ECT2: variants seen among roughly 807,000 people sequenced by gnomAD.
The protein encoded by ECT2 is epithelial cell transforming 2.
A neutral mutation model predicts 116.9 loss-of-function variants in ECT2; 61 were observed. The ratio of observed to expected loss-of-function variants is 0.52; its 90% CI spans 0.42 to 0.65. The LOEUF is 0.65. ECT2 is among the 30% of genes least tolerant of loss of function. ECT2 has a pLI of 0.00. For synonymous variants in ECT2, 358 were observed against 346.4 expected, an observed-to-expected ratio of 1.03 and a Z score of -0.37; for missense variants, 937 against 1,078.7, an observed-to-expected ratio of 0.87 and a Z score of 1.84.
the ECT2 span, among the ~76,000 whole-genome samples, chr3:172,828,224 A>C: frequency 6.6e-6 from 1 of 152,212 alleles, no homozygotes; most frequent in Non-Finnish European, 1.5e-5. Flanking sequence ...CAATAATTAA[A>C]GAAGACCTTA....
At chr3:172,775,895 A>G (rs764715326) in intron 14 of ECT2, among the ~76,000 whole-genome samples, 105 of 152,022 alleles carry the variant, frequency 6.9e-4, no homozygotes, top group Non-Finnish European at 1.4e-3. Flanking sequence ...CGACCTCCCA[A>G]GGTGCTGGGA....
Position 172,762,983 on chromosome 3 carries a change from AACCCCT to A in ECT2, c.1068+12_1068+17del, listed in dbSNP as rs1187648851. 1.2e-6 allele frequency: 2 copies of A among 1,613,080 alleles called. No individual in the cohort carries two copies. The highest frequency in any genetic ancestry group is 3.3e-5 in the Admixed American group (2 of 59,864). On this transcript the variant is annotated intron_variant, in intron 11 of 24. Transcript: ENST00000392692. ...TATTTATATGAAAAGGTATGCTTTT[AACCCCT>A]TACTTATTTGTTCTGTGAGCTTGAT...
intron 1 of ECT2, among the ~76,000 whole-genome samples, chr3:172,751,631 T>C (rs898831144): frequency 6.6e-6 from 1 of 152,164 alleles, no homozygotes; most frequent in Non-Finnish European, 1.5e-5. Context: ...TTTTAGTCCT[T>C]CACCTTGGAA....
At chr3:172,755,675 G>A (rs763440347) in intron 4 of ECT2, 100 bp downstream of exon 4, 1 of 532,268 alleles carries the variant, frequency 1.9e-6, no homozygotes, top group Non-Finnish European at 3.1e-6. Flanking sequence ...TGTATTGTGT[G>A]CAATCTGAAG....
chr3:172,753,747 T>G (rs1016102549), intron 1 of ECT2, among the ~76,000 whole-genome samples: 1 of 152,166 alleles, frequency 6.6e-6, no homozygotes, highest in Non-Finnish European at 1.5e-5. Context: ...GAGAAATTCA[T>G]TGTTGCTGTT....
downstream of ECT2, among the ~76,000 whole-genome samples, chr3:172,824,847 A>G (rs947625819): frequency 6.6e-6 from 1 of 151,726 alleles, no homozygotes; most frequent in African/African-American, 2.4e-5. Context: ...AGTTTTATGA[A>G]TAGGTCATTT....
chr3:172,768,901 C>A, intron 12 of ECT2, 106 bp from the exon 13 acceptor site: 1 of 1,269,170 alleles, frequency 7.9e-7, no homozygotes, highest in Non-Finnish European at 1.1e-6. Context: ...TATGGTGGTA[C>A]ATTTATAAGA....
intron 14 of ECT2, among the ~76,000 whole-genome samples, chr3:172,779,895 CAA>C (rs60162451): frequency 2.8e-4 from 30 of 106,906 alleles, no homozygotes; most frequent in Admixed American, 4.1e-4. Flanking sequence ...GACCCTGTCT[CAA>C]AAAAAAAAAA....
At chr3:172,767,473 A>G (rs1251031711) in intron 12 of ECT2, among the ~76,000 whole-genome samples, 1 of 152,114 alleles carries the variant, frequency 6.6e-6, no homozygotes, top group Non-Finnish European at 1.5e-5. Context: ...CATAGTACAT[A>G]ATTGTTTTCA....
downstream of ECT2, among the ~76,000 whole-genome samples, chr3:172,823,929 TTC>T (rs1491485680): frequency 2.7e-5 from 3 of 110,306 alleles, no homozygotes; most frequent in East Asian, 2.7e-4. Context: ...TTCTAAGTTT[TTC>T]TCTTTTTTTT....
rs780610864 is a variant in ECT2, at chr3:172,755,350, A to G, written c.186A>G (p.Gln62=). 1.9e-6 allele frequency: 3 copies of G among 1,604,910 alleles called. No homozygotes were observed. The highest frequency in any genetic ancestry group is 3.5e-5 in the Admixed American group (2 of 57,358). ...TATTGGTTCAAGAAGCTGGAAAACAAGAAGAACTTATAAAAGCCTTAAAGG... is the reference window on the plus strand; with the variant it reads ...TATTGGTTCAAGAAGCTGGAAAACAGGAAGAACTTATAAAAGCCTTAAAGG... ...RVILVQEAGK[Q]EELIKALKTI... is the part of the protein sequence containing the mutation. Residue 62 remains glutamine (Q), a synonymous_variant, in exon 3 of 25, where the codon CAA becomes CAG. Transcript: ENST00000392692.
chr3:172,805,836 A>G lies in ECT2; in HGVS notation c.2212A>G (p.Ile738Val). The change falls in exon 21 of 25, where the codon ATT (isoleucine) becomes GTT (valine). Residue 738 changes from isoleucine (I) to valine (V), a missense_variant. By Grantham distance (29) the Ile-to-Val change is conservative. Transcript: ENST00000392692. ...KHIHLMPLSQ[I>V]KKVLDIRETE... ...TATTCACCTAATGCCTCTTTCTCAG[A>G]TTAAGAAGGTATTGGACATAAGAGA... 1.2e-6 allele frequency: 2 copies of G among 1,613,730 alleles called. No individual in the cohort carries two copies. Among genetic ancestry groups the G allele is most frequent in the Non-Finnish European group, 8.5e-7 (1 of 1,179,776 alleles).
chr3:172,822,429 A>G (rs1171295956), downstream of ECT2, among the ~76,000 whole-genome samples: 1 of 152,018 alleles, frequency 6.6e-6, no homozygotes, highest in East Asian at 1.9e-4. Flanking sequence ...CTCAGATATG[A>G]GAAATTAAGA....
In ECT2 at chr3:172,783,879, A is replaced by G. The variant is rs769734310; in HGVS notation, c.1698A>G (p.Lys566=). The G allele has an allele frequency of 6.2e-7, 1 of 1,602,980 alleles. No homozygotes were observed. Among genetic ancestry groups the G allele is most frequent in the Admixed American group, 1.7e-5 (1 of 58,608 alleles). ...AGGAAACAATTATTAAATGTGAAAA[A>G]CAGAAACCAAGATTTCATGCTTTTC... ...MSKETIIKCE[K]QKPRFHAFLK... Residue 566 remains lysine (K), a synonymous_variant, in exon 16 of 25, where the codon AAA becomes AAG. Transcript: ENST00000392692.
At chr3:172,758,117 C>A (rs1210783923) in intron 5 of ECT2, among the ~76,000 whole-genome samples, 1 of 152,142 alleles carries the variant, frequency 6.6e-6, no homozygotes, top group Non-Finnish European at 1.5e-5. Flanking sequence ...GCCTCTGCCT[C>A]CCAAAGTGTT....
intron 17 of ECT2, 126 bp downstream of exon 17, chr3:172,784,929 G>A (rs891448163): frequency 1.8e-4 from 99 of 550,634 alleles, no homozygotes; most frequent in African/African-American, 1.7e-3. Context: ...TATATGTTTT[G>A]CTTTATGGAT....
At chr3:172,758,026 T>C (rs898111771) in intron 5 of ECT2, among the ~76,000 whole-genome samples, 1 of 151,866 alleles carries the variant, frequency 6.6e-6, no homozygotes, top group African/African-American at 2.4e-5. Flanking sequence ...CCTGGCTAAG[T>C]TTTTTCTATT....
At chr3:172,786,607 C>A in intron 18 of ECT2, 33 bp downstream of exon 18, 1 of 1,406,650 alleles carries the variant, frequency 7.1e-7, no homozygotes, top group South Asian at 1.2e-5. Flanking sequence ...TTGATTGTGC[C>A]TTAGATTTCG....
intron 18 of ECT2, among the ~76,000 whole-genome samples, chr3:172,801,585 G>A (rs1726731101): frequency 6.6e-6 from 1 of 152,176 alleles, no homozygotes; most frequent in Non-Finnish European, 1.5e-5. Context: ...AGTTCTCTCT[G>A]TACAGCTGTT....
Sources: allele counts gnomAD v4.1 joint callset (sites outside exome capture counted in the v4.1 genomes callset), GRCh38; gene constraint gnomAD v4.1.1; transcripts MANE v1.5; gene names NCBI Gene and HGNC (gene_info 2026-07-23, HGNC 2026-07-21).